IRAK1BP1: variants seen among roughly 807,000 people sequenced by gnomAD.
IRAK1BP1 encodes interleukin 1 receptor associated kinase 1 binding protein 1.
IRAK1BP1 carries 24 observed loss-of-function variants against 28.0 expected under a neutral mutation model. The observed-to-expected ratio is 0.86, with a 90% CI of 0.62 to 1.20. IRAK1BP1 has a LOEUF of 1.20. Among genes scored for constraint, IRAK1BP1 ranks in the 50% most tolerant of loss-of-function variants. The probability of loss-of-function intolerance (pLI) is 0.00; values close to 1 mark genes in which losing one functional copy is unlikely to be tolerated. For synonymous variants in IRAK1BP1, 131 were observed against 116.3 expected, an observed-to-expected ratio of 1.13 and a Z score of -0.81; for missense variants, 336 against 316.7, an observed-to-expected ratio of 1.06 and a Z score of -0.46.
At chr6:78,976,636 G>A in the IRAK1BP1 span, among the ~76,000 whole-genome samples, 1 of 145,752 alleles carries the variant, frequency 6.9e-6, no homozygotes, top group African/African-American at 2.5e-5. Context: ...TCTGACAAAG[G>A]GCTAATATCC....
At chr6:78,903,204 C>A, downstream of IRAK1BP1, 1 of 643,340 alleles carries the variant, frequency 1.6e-6, no homozygotes, top group Non-Finnish European at 2.6e-6. Context: ...ATTAGGAGGC[C>A]AGGCATGGTG....
intron 2 of IRAK1BP1, among the ~76,000 whole-genome samples, chr6:78,896,596 A>C (rs116261442): frequency 9.9e-5 from 15 of 152,230 alleles, no homozygotes; most frequent in African/African-American, 3.4e-4. Flanking sequence ...ACCTGAGAGA[A>C]TTTTTAGGGG....
downstream of IRAK1BP1, among the ~76,000 whole-genome samples, chr6:78,948,535 C>G (rs565889209): frequency 6.6e-6 from 1 of 152,160 alleles, no homozygotes; most frequent in South Asian, 2.1e-4. Flanking sequence ...TTGCTGCTGC[C>G]CAGGTTAGAG....
At chr6:78,903,141 A>T, downstream of IRAK1BP1, 2 of 1,141,430 alleles carry the variant, frequency 1.8e-6, no homozygotes, top group Non-Finnish European at 2.5e-6. Context: ...AGTGAGAAAA[A>T]GAAGACTAAG....
Position 78,867,614 on chromosome 6 carries a change from T to C in IRAK1BP1, c.38T>C (p.Val13Ala), listed in dbSNP as rs1770622327. The change falls in exon 1 of 4, where the codon GTG (valine) becomes GCG (alanine). Residue 13 changes from valine (V) to alanine (A), a missense_variant. By Grantham distance (64) the Val-to-Ala change is moderately conservative. Transcript: ENST00000369940. ...AAGACCCCTCCGACCCGAGTGTTCG[T>C]GGAACTGGTTCCCTGGGCTGACCGG... ...LQKTPPTRVFVELVPWADRSR... is the reference protein window; with the variant it reads ...LQKTPPTRVFAELVPWADRSR... 6.2e-7 allele frequency: 1 copy of C among 1,614,082 alleles called. No homozygotes were observed. The highest frequency in any genetic ancestry group is 8.5e-7 in the Non-Finnish European group (1 of 1,180,026).
rs930883419 is a variant in IRAK1BP1 at position 78,899,929 on chromosome 6, C to T, written c.*1595C>T. ...TTTTACATAATAGCACATCTCAATT[C>T]ACATGCTAAATTTTCATCAGAAATA... is the stretch of plus-strand genomic sequence containing the variant. On this transcript the variant is annotated 3_prime_UTR_variant, in exon 4 of 4. Coordinates refer to ENST00000369940, the MANE Select transcript of IRAK1BP1 (RefSeq NM_001010844.4). The T allele has an allele frequency of 2.0e-5, 3 of 151,984 alleles. No homozygotes were observed. Among genetic ancestry groups the T allele is most frequent in the African/African-American group, 7.3e-5 (3 of 41,364 alleles). 9.4% of individuals were successfully genotyped at this position (151,984 alleles called of 1,614,324 possible).
the IRAK1BP1 span, chr6:78,963,330 C>A: frequency 7.1e-6 from 8 of 1,121,840 alleles, no homozygotes; most frequent in South Asian, 1.1e-4. Context: ...GTAAAAATAA[C>A]AGTCACAAAA....
intron 4 of IRAK1BP1, among the ~76,000 whole-genome samples, chr6:78,933,563 T>C (rs1011380503): frequency 1.3e-5 from 2 of 151,966 alleles, no homozygotes; most frequent in African/African-American, 4.8e-5. Flanking sequence ...TTCAGTGAGC[T>C]GAGATCGCAC....
downstream of IRAK1BP1, chr6:78,946,959 C>A: frequency 2.7e-6 from 2 of 743,730 alleles, no homozygotes; most frequent in East Asian, 3.2e-5. Context: ...AATATTTTTC[C>A]AGTAAAAAAT....
At chr6:78,934,079 T>C (rs1346248825) in intron 4 of IRAK1BP1, among the ~76,000 whole-genome samples, 1 of 152,180 alleles carries the variant, frequency 6.6e-6, no homozygotes, top group African/African-American at 2.4e-5. Context: ...TTGGTTTAAT[T>C]TCAATATTGG....
exon 5 of IRAK1BP1, chr6:78,946,082 C>T (rs1417528601): frequency 6.2e-7 from 1 of 1,613,228 alleles, no homozygotes. Context: ...TGCTCAGTGA[C>T]AACTGGATCT....
In IRAK1BP1 at chr6:78,888,035, G is replaced by A. The variant is rs548467886; in HGVS notation, c.381+2592G>A. ...ATATTATTTAGCCTTAAAAAAAAGGGAAATCCTACCATTTGAAACATTGCT... is the reference window on the plus strand; with the variant it reads ...ATATTATTTAGCCTTAAAAAAAAGGAAAATCCTACCATTTGAAACATTGCT... On this transcript the variant is annotated intron_variant, in intron 2 of 3. Transcript: ENST00000369940. Among the ~76,000 whole-genome samples, 3 of 152,134 alleles carry A rather than the reference G, an allele frequency of 2.0e-5. No homozygotes were observed. In the East Asian group the frequency reaches 5.8e-4, roughly 29 times the overall value.
At chr6:78,964,351 G>A in the IRAK1BP1 span, among the ~76,000 whole-genome samples, 1 of 152,136 alleles carries the variant, frequency 6.6e-6, no homozygotes, top group Non-Finnish European at 1.5e-5. Context: ...TTCTCCAACA[G>A]TTATTTTTTC....
chr6:78,941,394 G>T, intron 4 of IRAK1BP1: 1 of 1,142,972 alleles, frequency 8.7e-7, no homozygotes, highest in Non-Finnish European at 1.3e-6. Context: ...TCTCAAACTT[G>T]TCAGTAAGGC....
In IRAK1BP1 at chr6:78,926,460, T is replaced by C. The variant is rs1235088239; in HGVS notation, c.*68-18948T>C. On this transcript the variant is annotated intron_variant and NMD_transcript_variant, in intron 4 of 4. Transcript: ENST00000606868. Reference sequence around the variant, plus strand: ...GTATATTTATGGGATATATGAGATGTTTTGATACAGACTTGAAATGTGTAA... The same window carrying C: ...GTATATTTATGGGATATATGAGATGCTTTGATACAGACTTGAAATGTGTAA... Among the ~76,000 whole-genome samples the C allele has an allele frequency of 2.0e-5, 3 of 152,160 alleles. No individual in the cohort carries two copies. In the East Asian group the frequency reaches 5.8e-4, roughly 29 times the overall value.
intron 4 of IRAK1BP1, chr6:78,940,656 G>C: frequency 7.5e-7 from 1 of 1,335,682 alleles, no homozygotes; most frequent in Non-Finnish European, 1.0e-6. Context: ...AACTGTACCT[G>C]CTTTATAGAT....
the IRAK1BP1 span, among the ~76,000 whole-genome samples, chr6:78,963,812 G>A: frequency 6.6e-6 from 1 of 152,180 alleles, no homozygotes; most frequent in East Asian, 1.9e-4. Context: ...CCAAAATCTA[G>A]AAACGTGCTA....
At chr6:78,928,098 T>C (rs1415573977) in intron 4 of IRAK1BP1, among the ~76,000 whole-genome samples, 1 of 152,100 alleles carries the variant, frequency 6.6e-6, no homozygotes, top group East Asian at 1.9e-4. Context: ...TTGATATCTG[T>C]AGATTCTTTG....
chr6:78,872,270 G>T, intron 1 of IRAK1BP1: 1 of 489,636 alleles, frequency 2.0e-6, no homozygotes, highest in Non-Finnish European at 3.6e-6. Flanking sequence ...TCTGTTAATG[G>T]TGTTTTTTGG....
Sources: allele counts gnomAD v4.1 joint callset (sites outside exome capture counted in the v4.1 genomes callset), GRCh38; gene constraint gnomAD v4.1.1; transcripts MANE v1.5; gene names NCBI Gene and HGNC (gene_info 2026-07-23, HGNC 2026-07-21).